ADAMTS19: variants seen among roughly 807,000 people sequenced by gnomAD.
ADAMTS19 encodes A disintegrin and metalloproteinase with thrombospondin motifs 19.
ADAMTS19 carries 93 observed loss-of-function variants against 153.3 expected under a neutral mutation model. The observed-to-expected ratio is 0.61, with a 90% CI of 0.51 to 0.72. The LOEUF (loss-of-function observed/expected upper bound fraction) is 0.72. Ranked by LOEUF, ADAMTS19 falls within the 30% of genes least tolerant of loss-of-function variation. ADAMTS19 has a pLI of 0.00. For missense variants in ADAMTS19, 1,482 were observed against 1,552.1 expected, an observed-to-expected ratio of 0.95 and a Z score of 0.76; for synonymous variants, 600 against 556.6, an observed-to-expected ratio of 1.08 and a Z score of -1.10.
chr5:129,606,985 T>A (rs1232418396), intron 8 of ADAMTS19, among the ~76,000 whole-genome samples: 5 of 152,150 alleles, frequency 3.3e-5, no homozygotes, highest in African/African-American at 9.7e-5. Flanking sequence ...TGGCACCATG[T>A]CAGCTCACAG....
intron 8 of ADAMTS19, among the ~76,000 whole-genome samples, chr5:129,605,857 A>T (rs1750867926): frequency 6.6e-6 from 1 of 152,150 alleles, no homozygotes; most frequent in South Asian, 2.1e-4. Context: ...TACTTCCTAG[A>T]GATGTTGAGT....
intron 21 of ADAMTS19, among the ~76,000 whole-genome samples, chr5:129,730,473 G>A (rs953966252): frequency 1.3e-5 from 2 of 152,080 alleles, no homozygotes; most frequent in Non-Finnish European, 2.9e-5. Flanking sequence ...TCTGCAGTAA[G>A]CTATTGTCAT....
intron 8 of ADAMTS19, among the ~76,000 whole-genome samples, chr5:129,609,473 ACTGGCC>A (rs1751092566): frequency 1.3e-5 from 2 of 152,156 alleles, no homozygotes; most frequent in Non-Finnish European, 2.9e-5. Context: ...TTCAGCCTTC[ACTGGCC>A]TTTCATTTTT....
At chr5:129,510,925 A>T (rs1363144) in intron 3 of ADAMTS19, among the ~76,000 whole-genome samples, 3,643 of 151,302 alleles carry the variant, frequency 0.024, 133 homozygotes, top group African/African-American at 0.083. Context: ...TTGGGCCAAG[A>T]ACTTGCATGT....
At chr5:129,714,439 A>AAAAAAAG (rs1554109517) in intron 21 of ADAMTS19, among the ~76,000 whole-genome samples, 4 of 151,018 alleles carry the variant, frequency 2.6e-5, no homozygotes, top group African/African-American at 7.3e-5. Flanking sequence ...AAAAAAAAAA[A>AAAAAAAG]AAAAGAAAAA....
intron 2 of ADAMTS19, among the ~76,000 whole-genome samples, chr5:129,496,887 T>C (rs1345157182): frequency 6.6e-6 from 1 of 152,144 alleles, no homozygotes; most frequent in Admixed American, 6.6e-5. Flanking sequence ...AGTTAGTTAA[T>C]AGATTTAAAT....
chr5:129,518,957 G>A (rs1751700470), intron 3 of ADAMTS19, among the ~76,000 whole-genome samples: 1 of 151,880 alleles, frequency 6.6e-6, no homozygotes, highest in South Asian at 2.1e-4. Flanking sequence ...TCTTTTGTTT[G>A]TTCAATTCTG....
At chr5:129,482,867 G>A (rs1283244845) in intron 2 of ADAMTS19, among the ~76,000 whole-genome samples, 3 of 152,054 alleles carry the variant, frequency 2.0e-5, no homozygotes, top group African/African-American at 7.2e-5. Context: ...GTTTCTAAAT[G>A]AATACTTATA....
intron 17 of ADAMTS19, among the ~76,000 whole-genome samples, chr5:129,680,312 C>T (rs1012209330): frequency 6.6e-6 from 1 of 152,018 alleles, no homozygotes; most frequent in African/African-American, 2.4e-5. Flanking sequence ...TGCATAAAAA[C>T]CTTAGATAAA....
In ADAMTS19 at chr5:129,690,456, T is replaced by C. The variant is rs115944357; in HGVS notation, c.2819-4264T>C. 4.5e-3 allele frequency among the ~76,000 whole-genome samples: 680 copies of C among 152,316 alleles called. 8 individuals are homozygous for C. The highest frequency in any genetic ancestry group is 0.015 in the African/African-American group (631 of 41,576). ...TGACAGCTATGTGATCTCATTAAAA[T>C]ATTTGCATGCATATAAATGGCAAGA... is the stretch of plus-strand genomic sequence containing the variant. On this transcript the variant is annotated intron_variant, in intron 18 of 22. Transcript: ENST00000274487.
intron 18 of ADAMTS19, among the ~76,000 whole-genome samples, chr5:129,684,758 C>T (rs796438897): frequency 1.4e-4 from 22 of 151,802 alleles, no homozygotes; most frequent in African/African-American, 4.6e-4. Flanking sequence ...GAGGCCGAGG[C>T]GGGCAGATCA....
chr5:129,489,039 CAGTTGGCTCTT>C (rs1162465907), intron 2 of ADAMTS19, among the ~76,000 whole-genome samples: 2 of 152,006 alleles, frequency 1.3e-5, no homozygotes, highest in Non-Finnish European at 2.9e-5. Context: ...AGAATAAGAA[CAGTTGGCTCTT>C]AGTTTTCTAG....
At chr5:129,699,379 T>C (rs144400025) in intron 19 of ADAMTS19, among the ~76,000 whole-genome samples, 5,997 of 144,104 alleles carry the variant, frequency 0.042, 381 homozygotes, top group African/African-American at 0.15. Flanking sequence ...GCCAAGATTG[T>C]ACCATTGCAC....
At chr5:129,684,499 G>GCATTACATTACATTA (rs5871363) in intron 18 of ADAMTS19, among the ~76,000 whole-genome samples, 16 of 132,612 alleles carry the variant, frequency 1.2e-4, no homozygotes, top group African/African-American at 1.3e-4. Context: ...ACTACTCTTT[G>GCATTACATTACATTA]CATTACATTA....
intron 2 of ADAMTS19, among the ~76,000 whole-genome samples, chr5:129,489,334 C>T (rs1201288105): frequency 6.6e-6 from 1 of 151,904 alleles, no homozygotes; most frequent in Non-Finnish European, 1.5e-5. Flanking sequence ...AAATAAAGAC[C>T]AATGTGGTTA....
At chr5:129,677,010 C>G (rs1754580110) in intron 16 of ADAMTS19, among the ~76,000 whole-genome samples, 2 of 152,150 alleles carry the variant, frequency 1.3e-5, no homozygotes, top group South Asian at 4.1e-4. Context: ...ATTGTACCGA[C>G]CTTAGTACAT....
chr5:129,600,211 G>A (rs892868985), intron 8 of ADAMTS19, among the ~76,000 whole-genome samples: 5 of 151,962 alleles, frequency 3.3e-5, no homozygotes, highest in African/African-American at 7.2e-5. Context: ...GCATGCACCC[G>A]TACACACACA....
chr5:129,537,889 G>A (rs887861115), intron 6 of ADAMTS19, among the ~76,000 whole-genome samples: 13 of 151,932 alleles, frequency 8.6e-5, no homozygotes, highest in South Asian at 2.1e-4. Flanking sequence ...AAACCTGCAC[G>A]TTGTGCACAT....
At chr5:129,550,551 T>C (rs1753053028) in intron 6 of ADAMTS19, among the ~76,000 whole-genome samples, 1 of 149,872 alleles carries the variant, frequency 6.7e-6, no homozygotes, top group South Asian at 2.1e-4. Flanking sequence ...CATCTATACA[T>C]ATATCTATAT....
Sources: gnomAD v4.1 joint callset for allele counts (sites outside exome capture counted in the v4.1 genomes callset) on GRCh38, gnomAD v4.1.1 for gene constraint, MANE v1.5 for transcripts, NCBI Gene and HGNC (gene_info 2026-07-23, HGNC 2026-07-21) for gene names.